The following NXPH2 variants were observed in gnomAD, a reference collection of about 807,000 sequenced individuals.
NXPH2 encodes neurexophilin 2, also known as neurexophilin-2.
A neutral mutation model predicts 19.8 loss-of-function variants in NXPH2; 5 were observed. The ratio of observed to expected loss-of-function variants is 0.25; its 90% confidence interval spans 0.13 to 0.53. The LOEUF (loss-of-function observed/expected upper bound fraction) is 0.53, where lower values mean the gene tolerates loss of function less well. Among genes scored for constraint, NXPH2 ranks in the 20% least tolerant of loss-of-function variants. The pLI, the probability that NXPH2 is intolerant of heterozygous loss-of-function variation, is 0.96. For synonymous variants in NXPH2, 154 were observed against 127.4 expected (o/e 1.21, Z -1.41); for missense variants, 289 against 322.8 (o/e 0.90, Z 0.80).
chr2:138,747,104 T>C (rs1681748870), intron 1 of NXPH2, among the ~76,000 whole-genome samples: 1 of 152,160 alleles, frequency 6.6e-6, no homozygotes, highest in African/African-American at 2.4e-5. Context: ...CATTCTCCTA[T>C]TGATGGACGT....
chr2:138,732,491 G>A (rs1681467561), intron 1 of NXPH2, among the ~76,000 whole-genome samples: 1 of 152,172 alleles, frequency 6.6e-6, no homozygotes. Context: ...ATCTGTCAAT[G>A]TCAGCCTTGG....
intron 1 of NXPH2, among the ~76,000 whole-genome samples, chr2:138,776,210 CA>C (rs1682260188): frequency 6.6e-6 from 1 of 152,068 alleles, no homozygotes; most frequent in African/African-American, 2.4e-5. Flanking sequence ...AAGAACTACA[CA>C]TTTTAAGCTG....
intron 1 of NXPH2, among the ~76,000 whole-genome samples, chr2:138,678,226 C>T (rs567213207): frequency 8.5e-5 from 13 of 152,290 alleles, no homozygotes; most frequent in African/African-American, 2.9e-4. Flanking sequence ...CTATATTTTT[C>T]TCATGATTAC....
rs549718046 is a variant in NXPH2, at chr2:138,722,596, T to A, written c.52-50931A>T. ...GTTGAGTGCAGACTGTAGGGGACAG[T>A]GGGAGGAGAGATCTTCCAATAGTTA... On this transcript the variant is annotated intron_variant, in intron 1 of 1. Transcript: ENST00000272641. 1.1e-4 allele frequency among the ~76,000 whole-genome samples: 17 copies of A among 152,244 alleles called. 1 individual carries two copies. The South Asian group carries it at 1.9e-3, about 17-fold the overall frequency.
intron 1 of NXPH2, among the ~76,000 whole-genome samples, chr2:138,714,594 A>G (rs1213570806): frequency 6.6e-6 from 1 of 152,160 alleles, no homozygotes; most frequent in Non-Finnish European, 1.5e-5. Context: ...TTCCCTACAA[A>G]TTGGAAATAA....
At chr2:138,770,775 C>T (rs562986642) in intron 1 of NXPH2, among the ~76,000 whole-genome samples, 79 of 151,824 alleles carry the variant, frequency 5.2e-4, no homozygotes, top group African/African-American at 1.8e-3. Flanking sequence ...AACAATTGTG[C>T]GTGAGCAATA....
At chr2:138,760,726 A>T (rs1426485928) in intron 1 of NXPH2, among the ~76,000 whole-genome samples, 1 of 152,190 alleles carries the variant, frequency 6.6e-6, no homozygotes, top group Non-Finnish European at 1.5e-5. Flanking sequence ...CCCAGGCAGA[A>T]ACCCAAGAAC....
intron 1 of NXPH2, among the ~76,000 whole-genome samples, chr2:138,714,218 A>G (rs1681155704): frequency 6.6e-6 from 1 of 152,190 alleles, no homozygotes; most frequent in Non-Finnish European, 1.5e-5. Context: ...ACATAGGGGC[A>G]GAGGGCATGC....
chr2:138,750,841 T>C (rs1382048655), intron 1 of NXPH2, among the ~76,000 whole-genome samples: 3 of 152,142 alleles, frequency 2.0e-5, no homozygotes, highest in Admixed American at 6.6e-5. Context: ...CCAAATCTCA[T>C]ATTGAATTGT....
intron 1 of NXPH2, among the ~76,000 whole-genome samples, chr2:138,720,395 C>A (rs903371931): frequency 6.6e-6 from 1 of 152,152 alleles, no homozygotes; most frequent in Admixed American, 6.5e-5. Context: ...ATAAACTGAA[C>A]AAACAAACTT....
At chr2:138,692,986 G>C (rs923479583) in intron 1 of NXPH2, among the ~76,000 whole-genome samples, 1 of 152,096 alleles carries the variant, frequency 6.6e-6, no homozygotes, top group Non-Finnish European at 1.5e-5. Context: ...TCCATTTCAT[G>C]CATATTTTTT....
intron 1 of NXPH2, among the ~76,000 whole-genome samples, chr2:138,704,082 C>A (rs1680972683): frequency 1.3e-5 from 2 of 152,188 alleles, no homozygotes; most frequent in African/African-American, 4.8e-5. Context: ...AAACCTAGAT[C>A]AGAGTCAGCT....
rs577168212 is a variant in NXPH2, at chr2:138,716,859, C to A, written c.52-45194G>T. 2.0e-5 allele frequency among the ~76,000 whole-genome samples: 3 copies of A among 152,134 alleles called. No homozygotes were observed. In the East Asian group the frequency reaches 5.8e-4, roughly 29 times the overall value. ...AAATCACCTCATCTTTCTGGGGCTG[C>A]TTCCTCATGTTTAAAATTGAAGGGC... On this transcript the variant is annotated intron_variant, in intron 1 of 1. Coordinates refer to ENST00000272641, the MANE Select transcript of NXPH2 (RefSeq NM_007226.3).
At chr2:138,683,059 T>C (rs1470677903) in intron 1 of NXPH2, among the ~76,000 whole-genome samples, 2 of 152,218 alleles carry the variant, frequency 1.3e-5, no homozygotes, top group African/African-American at 4.8e-5. Flanking sequence ...ATGTTAAAGA[T>C]GCTTTGTTGG....
intron 1 of NXPH2, among the ~76,000 whole-genome samples, chr2:138,735,649 C>T (rs1681527984): frequency 6.6e-6 from 1 of 152,150 alleles, no homozygotes; most frequent in Non-Finnish European, 1.5e-5. Context: ...AATCTCATGT[C>T]CTCACATTTC....
intron 1 of NXPH2, among the ~76,000 whole-genome samples, chr2:138,755,469 C>G (rs998433174): frequency 3.9e-5 from 6 of 152,112 alleles, no homozygotes; most frequent in Non-Finnish European, 1.5e-5. Flanking sequence ...TGTCAAAAAT[C>G]AGCTGACTAT....
At chr2:138,753,575 T>C (rs1487587005) in intron 1 of NXPH2, among the ~76,000 whole-genome samples, 1 of 152,192 alleles carries the variant, frequency 6.6e-6, no homozygotes, top group East Asian at 1.9e-4. Flanking sequence ...AAAATATATA[T>C]GTGTATGCTA....
chr2:138,751,683 A>G (rs1394791261), intron 1 of NXPH2, among the ~76,000 whole-genome samples: 1 of 152,174 alleles, frequency 6.6e-6, no homozygotes, highest in Non-Finnish European at 1.5e-5. Flanking sequence ...CTTGGCCACC[A>G]GATAAAATAG....
intron 1 of NXPH2, among the ~76,000 whole-genome samples, chr2:138,726,584 A>C (rs961772566): frequency 6.6e-6 from 1 of 151,768 alleles, no homozygotes; most frequent in Non-Finnish European, 1.5e-5. Flanking sequence ...CCAAAGGCCA[A>C]ATTTTATCAG....
Sources: allele counts gnomAD v4.1 joint callset (sites outside exome capture counted in the v4.1 genomes callset), GRCh38; gene constraint gnomAD v4.1.1; transcripts MANE v1.5; gene names NCBI Gene and HGNC (gene_info 2026-07-23, HGNC 2026-07-21).